Variants in ASCC3 observed in about 807,000 individuals in gnomAD.
The protein encoded by ASCC3 is activating signal cointegrator 1 complex subunit 3.
In ASCC3, 158 loss-of-function variants were observed where a neutral mutation model predicts 256.3. The observed-to-expected ratio is 0.62, with a 90% CI of 0.54 to 0.70. The LOEUF is 0.70. Among genes scored for constraint, ASCC3 ranks in the 30% least tolerant of loss-of-function variants. The probability of loss-of-function intolerance (pLI) is 0.00; values close to 1 mark genes in which losing one functional copy is unlikely to be tolerated. For missense variants in ASCC3, 2,259 were observed against 2,626.0 expected, an observed-to-expected ratio of 0.86 and a Z score of 3.05; for synonymous variants, 948 against 883.4, an observed-to-expected ratio of 1.07 and a Z score of -1.30.
chr6:100,807,584 A>C (rs1402606093), intron 4 of ASCC3, among the ~76,000 whole-genome samples: 1 of 151,874 alleles, frequency 6.6e-6, no homozygotes, highest in Non-Finnish European at 1.5e-5. Context: ...ATGGTGGGTA[A>C]AACTGCTGGT....
intron 8 of ASCC3, among the ~76,000 whole-genome samples, chr6:100,784,677 A>G (rs1180374678): frequency 6.6e-6 from 1 of 152,034 alleles, no homozygotes; most frequent in Non-Finnish European, 1.5e-5. Context: ...ATATATATCA[A>G]AGAATTCTGC....
chr6:100,533,109 T>A (rs1370704325), intron 37 of ASCC3, among the ~76,000 whole-genome samples: 1 of 150,842 alleles, frequency 6.6e-6, no homozygotes, highest in Non-Finnish European at 1.5e-5. Context: ...TTTTGTTTTG[T>A]TTTTTTGTTT....
chr6:100,808,470 C>T (rs1393417694), intron 4 of ASCC3, among the ~76,000 whole-genome samples: 1 of 151,856 alleles, frequency 6.6e-6, no homozygotes, highest in African/African-American at 2.4e-5. Flanking sequence ...ATTCTCTTTT[C>T]TAACTGTGTA....
intron 10 of ASCC3, among the ~76,000 whole-genome samples, chr6:100,764,779 TC>T (rs1230760491): frequency 6.6e-6 from 1 of 152,128 alleles, no homozygotes; most frequent in African/African-American, 2.4e-5. Context: ...AGGCCTCACC[TC>T]CAACTACAAT....
intron 11 of ASCC3, among the ~76,000 whole-genome samples, chr6:100,721,908 A>T (rs1779358151): frequency 6.6e-6 from 1 of 151,724 alleles, no homozygotes; most frequent in Non-Finnish European, 1.5e-5. Context: ...TTCTTTGCCA[A>T]GGCCAGTGTC....
intron 8 of ASCC3, among the ~76,000 whole-genome samples, chr6:100,770,159 C>T (rs1475010469): frequency 1.3e-5 from 2 of 151,950 alleles, no homozygotes; most frequent in African/African-American, 4.8e-5. Flanking sequence ...TAATACTCCT[C>T]AAAGCATAAA....
intron 4 of ASCC3, among the ~76,000 whole-genome samples, chr6:100,838,628 A>G (rs555894459): frequency 2.6e-5 from 4 of 152,222 alleles, no homozygotes; most frequent in Non-Finnish European, 5.9e-5. Context: ...GGTCACTTAC[A>G]ACTTAATTAA....
chr6:100,662,089 A>G, intron 15 of ASCC3, 59 bp from the exon 16 acceptor site: 3 of 1,495,836 alleles, frequency 2.0e-6, no homozygotes, highest in Non-Finnish European at 2.8e-6. Context: ...AATCCTGATG[A>G]ACTGAATACT....
chr6:100,625,346 T>G lies in ASCC3; in HGVS notation c.4643-12A>C. Reference sequence around the variant, plus strand: ...ATGGCTTCTAATTGCTGTTGAAAAGTTGTGGGAAATAAAATGGAAAGATAC... The same window carrying G: ...ATGGCTTCTAATTGCTGTTGAAAAGGTGTGGGAAATAAAATGGAAAGATAC... On this transcript the variant is annotated splice_polypyrimidine_tract_variant and intron_variant, in intron 29 of 41. Coordinates refer to ENST00000369162, the MANE Select transcript of ASCC3 (RefSeq NM_006828.4). 1 of 1,611,710 alleles carries G rather than the reference T, an allele frequency of 6.2e-7. No homozygotes were observed. The highest frequency in any genetic ancestry group is 8.5e-7 in the Non-Finnish European group (1 of 1,178,328).
chr6:100,751,513 A>T (rs1780936365), intron 10 of ASCC3, among the ~76,000 whole-genome samples: 1 of 151,858 alleles, frequency 6.6e-6, no homozygotes, highest in Non-Finnish European at 1.5e-5. Flanking sequence ...ATATAAATGC[A>T]TTTTCCTATA....
At chr6:100,689,438 T>C (rs1777731891) in intron 13 of ASCC3, among the ~76,000 whole-genome samples, 2 of 152,188 alleles carry the variant, frequency 1.3e-5, no homozygotes, top group African/African-American at 4.8e-5. Context: ...AGATTTGCCA[T>C]TTCAAAGCCT....
At chr6:100,823,245 T>G (rs1771140201) in intron 4 of ASCC3, among the ~76,000 whole-genome samples, 2 of 152,188 alleles carry the variant, frequency 1.3e-5, no homozygotes, top group Non-Finnish European at 2.9e-5. Flanking sequence ...CAAACTAATT[T>G]GGCAGTCAGA....
chr6:100,581,409 C>T (rs1582489645), intron 36 of ASCC3, among the ~76,000 whole-genome samples: 1 of 152,024 alleles, frequency 6.6e-6, no homozygotes, highest in Admixed American at 6.6e-5. Flanking sequence ...TCATGTCCTT[C>T]ACCCACTTTT....
rs1169558095 is a variant in ASCC3, at chr6:100,608,731, TTATA to T, written c.4786-1647_4786-1644del. Reference sequence around the variant, plus strand: ...TATATATATTTTATATATATATACTTTATATATATATATATATATATATATATAT... The same window carrying T: ...TATATATATTTTATATATATATACTTTATATATATATATATATATATATAT... On this transcript the variant is annotated intron_variant, in intron 30 of 41. Transcript: ENST00000369162. 8.5e-3 allele frequency among the ~76,000 whole-genome samples: 23 copies of T among 2,710 alleles called. 6 individuals are homozygous for T. Among genetic ancestry groups the T allele is most frequent in the Admixed American group, 0.019 (2 of 104 alleles). 1.8% of individuals were successfully genotyped at this position (2,710 alleles called of 152,430 possible).
chr6:100,523,959 T>C (rs866657920), intron 37 of ASCC3, among the ~76,000 whole-genome samples: 57 of 152,230 alleles, frequency 3.7e-4, no homozygotes, highest in African/African-American at 1.3e-3. Flanking sequence ...TATTTGTATA[T>C]TATTGCACAG....
chr6:100,587,221 A>G (rs1199085997), intron 36 of ASCC3, among the ~76,000 whole-genome samples: 1 of 152,074 alleles, frequency 6.6e-6, no homozygotes, highest in Non-Finnish European at 1.5e-5. Flanking sequence ...TAAAACCACA[A>G]TGAGATTAAT....
intron 1 of ASCC3, among the ~76,000 whole-genome samples, chr6:100,880,474 G>A (rs959073810): frequency 1.2e-4 from 18 of 152,310 alleles, no homozygotes; most frequent in Admixed American, 3.9e-4. Flanking sequence ...AATACCATTA[G>A]CACACTGCAT....
chr6:100,791,193 A>G (rs1769335163), intron 8 of ASCC3, among the ~76,000 whole-genome samples: 1 of 151,890 alleles, frequency 6.6e-6, no homozygotes, highest in Non-Finnish European at 1.5e-5. Context: ...GAAAATAATA[A>G]TTATTAAAAG....
intron 17 of ASCC3, among the ~76,000 whole-genome samples, chr6:100,654,303 CAA>C (rs34148231): frequency 1.3e-4 from 14 of 106,964 alleles, no homozygotes; most frequent in Admixed American, 1.9e-4. Context: ...ACACACAAAT[CAA>C]AAAAAAAAAA....
Sources: gnomAD v4.1 joint callset for allele counts (sites outside exome capture counted in the v4.1 genomes callset) on GRCh38, gnomAD v4.1.1 for gene constraint, MANE v1.5 for transcripts, NCBI Gene and HGNC (gene_info 2026-07-23, HGNC 2026-07-21) for gene names.